ASPH: variants seen among roughly 807,000 people sequenced by gnomAD.
ASPH encodes aspartyl/asparaginyl beta-hydroxylase.
Under a neutral mutation model 118.4 loss-of-function variants are expected in ASPH, and 100 were observed. The observed-to-expected ratio is 0.84, with a 90% CI of 0.72 to 1.00. ASPH has a LOEUF of 1.00. ASPH is among the 50% of genes least tolerant of loss of function. The pLI is 0.00. For synonymous variants in ASPH, 315 were observed against 325.6 expected, an observed-to-expected ratio of 0.97 and a Z score of 0.35; for missense variants, 920 against 919.5, an observed-to-expected ratio of 1.00 and a Z score of -0.01.
chr8:61,594,422 C>T (rs1229866747), intron 14 of ASPH, among the ~76,000 whole-genome samples: 2 of 152,166 alleles, frequency 1.3e-5, no homozygotes, highest in South Asian at 2.1e-4. Flanking sequence ...ATCAGTGTCT[C>T]CTGAAGGACC....
chr8:61,655,596 GAA>G (rs1180532131), intron 3 of ASPH, among the ~76,000 whole-genome samples: 1 of 152,084 alleles, frequency 6.6e-6, no homozygotes, highest in Non-Finnish European at 1.5e-5. Flanking sequence ...AGTTTCATTT[GAA>G]AAGTCATAAT....
At chr8:61,555,008 C>T (rs1028563137) in intron 19 of ASPH, among the ~76,000 whole-genome samples, 2 of 152,170 alleles carry the variant, frequency 1.3e-5, no homozygotes, top group African/African-American at 2.4e-5. Flanking sequence ...GCCACTGCAC[C>T]TGGCCCACAG....
chr8:61,636,812 T>C (rs1041576107), intron 12 of ASPH, among the ~76,000 whole-genome samples: 1 of 152,106 alleles, frequency 6.6e-6, no homozygotes, highest in Non-Finnish European at 1.5e-5. Flanking sequence ...GACTCAGTAA[T>C]ATTCTTCAGA....
intron 14 of ASPH, among the ~76,000 whole-genome samples, chr8:61,590,130 A>C (rs986292529): frequency 2.0e-5 from 3 of 152,018 alleles, no homozygotes; most frequent in Non-Finnish European, 2.9e-5. Context: ...ATAACACATA[A>C]ATTTTCTTAC....
chr8:61,639,853 G>A (rs1213044974), intron 10 of ASPH, among the ~76,000 whole-genome samples: 3 of 152,140 alleles, frequency 2.0e-5, no homozygotes, highest in African/African-American at 7.2e-5. Flanking sequence ...CCCACGTTAG[G>A]AAAAGAGCAC....
At chr8:61,641,296 T>C (rs2350579) in intron 10 of ASPH, among the ~76,000 whole-genome samples, 127,221 of 152,096 alleles carry the variant, frequency 0.84, 53,365 homozygotes, top group African/African-American at 0.88. Flanking sequence ...AGATTTAGTC[T>C]TCAAATTGCA....
chr8:61,608,240 T>C (rs1846176854), intron 14 of ASPH, among the ~76,000 whole-genome samples: 2 of 152,236 alleles, frequency 1.3e-5, no homozygotes, highest in Admixed American at 1.3e-4. Flanking sequence ...AGTAGTCTTT[T>C]AGTCCTGATT....
chr8:61,509,556 G>A (rs1808010489), intron 24 of ASPH, among the ~76,000 whole-genome samples: 1 of 152,222 alleles, frequency 6.6e-6, no homozygotes, highest in East Asian at 1.9e-4. Context: ...TTATCAGCAA[G>A]GTCTGTATGA....
chr8:61,559,416 A>G lies in ASPH; in HGVS notation c.1437+3328T>C, dbSNP rs1347215100. On this transcript the variant is annotated intron_variant, in intron 18 of 24. Coordinates refer to ENST00000379454, the MANE Select transcript of ASPH (RefSeq NM_004318.4). ...GCATCCCTAACCCCTGTGTTGTTCA[A>G]GGGCCAAATGTAATATTAGACAGAT... Among the ~76,000 whole-genome samples the G allele has an allele frequency of 2.0e-5, 3 of 152,138 alleles. No homozygotes were observed. In the East Asian group the frequency reaches 5.8e-4, roughly 29 times the overall value.
chr8:61,662,916 T>C (rs1817645446), intron 3 of ASPH: 7 of 985,008 alleles, frequency 7.1e-6, no homozygotes, highest in Non-Finnish European at 8.4e-6. Flanking sequence ...GTTTAGAATT[T>C]AGTATTTATG....
chr8:61,623,374 C>A (rs1411509465), intron 13 of ASPH, among the ~76,000 whole-genome samples: 1 of 152,144 alleles, frequency 6.6e-6, no homozygotes, highest in Admixed American at 6.5e-5. Context: ...ATCTCTTGCC[C>A]ATTTTAAAAA....
intron 21 of ASPH, among the ~76,000 whole-genome samples, chr8:61,535,718 A>T (rs1819222215): frequency 6.6e-6 from 1 of 152,230 alleles, no homozygotes; most frequent in Non-Finnish European, 1.5e-5. Context: ...TCTTATTTTT[A>T]AGAGATAAAA....
At chr8:61,508,797 T>TGCATGAAACAGGTG (rs1807655509) in intron 24 of ASPH, among the ~76,000 whole-genome samples, 1 of 152,188 alleles carries the variant, frequency 6.6e-6, no homozygotes, top group Admixed American at 6.5e-5. Context: ...TGAGGTGGCC[T>TGCATGAAACAGGTG]GCAAGGCATG....
chr8:61,580,379 G>C (rs1837113593), intron 15 of ASPH, among the ~76,000 whole-genome samples: 1 of 152,256 alleles, frequency 6.6e-6, no homozygotes, highest in South Asian at 2.1e-4. Flanking sequence ...GGACATCCAG[G>C]CAATTCAATA....
chr8:61,508,852 A>G (rs1807672274), intron 24 of ASPH, among the ~76,000 whole-genome samples: 1 of 152,254 alleles, frequency 6.6e-6, no homozygotes. Context: ...GAGCTCAGGA[A>G]TAAGGATATT....
Position 61,684,154 on chromosome 8 carries a change from T to C in ASPH, c.138A>G (p.Lys46=). 6.2e-7 allele frequency: 1 copy of C among 1,613,430 alleles called. No homozygotes were observed. Among genetic ancestry groups the C allele is most frequent in the Non-Finnish European group, 8.5e-7 (1 of 1,179,584 alleles). The change falls in exon 2 of 25, where the codon AAA becomes AAG. Residue 46 remains lysine (K), a synonymous_variant. Transcript: ENST00000379454. ...TKHGGHKNGR[K]GGLSGTSFFT... is the part of the protein sequence containing the mutation. ...AGAATGAAGTTCCTGAGAGTCCGCCTTTCCTCCCATTCTTGTGTCCTCCAT... is the reference window on the plus strand; with the variant it reads ...AGAATGAAGTTCCTGAGAGTCCGCCCTTCCTCCCATTCTTGTGTCCTCCAT...
At chr8:61,608,931 T>C (rs112461603) in intron 14 of ASPH, among the ~76,000 whole-genome samples, 3,688 of 152,206 alleles carry the variant, frequency 0.024, 150 homozygotes, top group African/African-American at 0.084. Context: ...AGCAGGCAGG[T>C]AGGGGTGGGA....
At chr8:61,536,628 A>T (rs1487778126) in intron 21 of ASPH, among the ~76,000 whole-genome samples, 4 of 152,214 alleles carry the variant, frequency 2.6e-5, no homozygotes, top group Non-Finnish European at 2.9e-5. Context: ...GGTTGGGCTT[A>T]CGTTGGAACT....
intron 1 of ASPH, among the ~76,000 whole-genome samples, chr8:61,698,536 A>G (rs1233763339): frequency 6.6e-6 from 1 of 152,200 alleles, no homozygotes; most frequent in Non-Finnish European, 1.5e-5. Context: ...TTTTTTATGG[A>G]CACTTCATTA....
Sources: allele counts gnomAD v4.1 joint callset (sites outside exome capture counted in the v4.1 genomes callset), GRCh38; gene constraint gnomAD v4.1.1; transcripts MANE v1.5; gene names NCBI Gene and HGNC (gene_info 2026-07-23, HGNC 2026-07-21).